Variants in CCDC59 observed in about 807,000 individuals in gnomAD.
The protein encoded by CCDC59 is coiled-coil domain containing 59, also known as thyroid transcription factor 1-associated protein 26.
A neutral mutation model predicts 30.5 loss-of-function variants in CCDC59; 27 were observed. The observed-to-expected ratio is 0.89, with a 90% CI of 0.65 to 1.22. The LOEUF (loss-of-function observed/expected upper bound fraction) is 1.22, where lower values mean the gene tolerates loss of function less well. Among genes scored for constraint, CCDC59 ranks in the 50% most tolerant of loss-of-function variants. CCDC59 has a pLI of 0.00. For synonymous variants in CCDC59, 125 were observed against 100.9 expected (o/e 1.24, Z -1.43); for missense variants, 362 against 284.4 (o/e 1.27, Z -1.96).
At position 82,354,709 on chromosome 12, in the gene CCDC59, T is replaced by C; in HGVS notation, c.465-115A>G. The C allele has an allele frequency of 3.9e-6, 3 of 776,516 alleles. No individual in the cohort carries two copies. In the East Asian group the frequency reaches 9.9e-5, roughly 26 times the overall value. 48.1% of individuals were successfully genotyped at this position (776,516 alleles called of 1,614,324 possible). ...ATTAAATAAAAGGCACAAATGGGGA[T>C]TCTTAGAGAAATATTTCAACTAGGA... On this transcript the variant is annotated intron_variant, in intron 2 of 3. Transcript: ENST00000256151.
Position 82,357,047 on chromosome 12 carries a change from TC to T in CCDC59, c.376del (p.Glu126AsnfsTer29). ...SEQVHQPLLE[E>X]QCSIDEPLFE... ...TAAAGGCTCGTCAATGCTACACTGT[TC>T]TTCAAGCAACGGCTGGTGAACTTGT... On this transcript the variant is annotated frameshift_variant, in exon 2 of 4. Coordinates refer to ENST00000256151, the MANE Select transcript of CCDC59 (RefSeq NM_014167.5). LOFTEE classifies it high-confidence loss of function. The T allele has an allele frequency of 6.2e-7, 1 of 1,614,202 alleles. No individual in the cohort carries two copies. Among genetic ancestry groups the T allele is most frequent in the Non-Finnish European group, 8.5e-7 (1 of 1,180,016 alleles).
rs559070614 is a variant in CCDC59, at chr12:82,358,350, C to G, written c.27G>C (p.Lys9Asn). The change falls in exon 1 of 4, where the codon AAG becomes AAC. Residue 9 changes from lysine to asparagine, a missense_variant. Transcript: ENST00000256151. ...GCGCCTCAATACCACCAGGCCGCCA[C>G]TTCGCGGACCGCCTCACCGGCGCCA... MAPVRRSA[K>N]WRPGGIEARG... The G allele has an allele frequency of 2.5e-6, 4 of 1,613,866 alleles. No individual in the cohort carries two copies. Among genetic ancestry groups the G allele is most frequent in the Non-Finnish European group, 3.4e-6 (4 of 1,180,024 alleles).
upstream of CCDC59, chr12:82,358,562 C>A (rs778622172): frequency 6.2e-7 from 1 of 1,609,262 alleles, no homozygotes; most frequent in South Asian, 1.1e-5. Flanking sequence ...GGAGGGTGAG[C>A]GTCATGGCGG....
Position 82,357,188 on chromosome 12 carries a change from G to A in CCDC59, c.236C>T (p.Thr79Met). 1 of 1,614,094 alleles carries A rather than the reference G, an allele frequency of 6.2e-7. No individual in the cohort carries two copies. The change falls in exon 2 of 4, where the codon ACG becomes ATG. Residue 79 changes from threonine to methionine, a missense_variant. Transcript: ENST00000256151. ...ATCTGTGAATTGAGATTCCAGTGAC[G>A]TTTGAGCCTTCTTTTCCTTCCGTAG... ...KLLRKEKKAQTSLESQFTDRY... is the reference protein window; with the variant it reads ...KLLRKEKKAQMSLESQFTDRY...
In CCDC59 at chr12:82,356,976, A is replaced by C. The variant is rs1881060373; in HGVS notation, c.448T>G (p.Cys150Gly). 3.1e-6 allele frequency: 5 copies of C among 1,611,282 alleles called. No homozygotes were observed. The highest frequency in any genetic ancestry group is 3.4e-6 in the Non-Finnish European group (4 of 1,177,702). ...AATACATACTTTACTGTTTTAATAC[A>C]TTGTTCTTCTGGCTGAGGCTGGTCA... ...SFDQPQPEEQ[C>G]IKTVNSFTIP... is the part of the protein sequence containing the mutation. Residue 150 changes from cysteine (C) to glycine (G), a missense_variant, in exon 2 of 4, where the codon TGT becomes GGT. By Grantham distance (159) the Cys-to-Gly change is radical. Transcript: ENST00000256151.
rs1880856387 is a variant in CCDC59 at position 82,352,468 on chromosome 12, G to T, written c.*683C>A. ...CAGTGGCTTATCTCAGCTCACAAGG[G>T]TACCAACAAGGGAGACAGAGATAAT... On this transcript the variant is annotated 3_prime_UTR_variant, in exon 4 of 4. Transcript: ENST00000256151. 6.6e-6 allele frequency: 1 copy of T among 152,222 alleles called. No individual in the cohort carries two copies. The allele number at this position is 152,222 out of a possible 1,614,324, so 9.4% of individuals were successfully genotyped here.
rs1156708531 is a variant in CCDC59, at chr12:82,353,033, T to C, written c.*118A>G. ...ATAATAAAAATATGTGAACATCTTATATTTAGCATAGTTTAGCAATCCAGT... is the reference window on the plus strand; with the variant it reads ...ATAATAAAAATATGTGAACATCTTACATTTAGCATAGTTTAGCAATCCAGT... On this transcript the variant is annotated 3_prime_UTR_variant, in exon 4 of 4. Transcript: ENST00000256151. 7.1e-6 allele frequency: 5 copies of C among 707,674 alleles called. No homozygotes were observed. The African/African-American group carries it at 9.0e-5, about 13-fold the overall frequency. 43.8% of individuals were successfully genotyped at this position (707,674 alleles called of 1,614,324 possible). A position where few individuals can be genotyped will look rare whatever the true frequency, so the allele number is the denominator to read the frequency against.
rs145541773 is a variant in CCDC59 at position 82,353,280 on chromosome 12, T to C, written c.597A>G (p.Glu199=). ...TCTTCTTTTTGTACTGCCTTTGGGC[T>C]TCTTCTCTCTCCTGTTTTCTCCTCT... ...EFERRKQERE[E]AQRQYKKKKM... is the part of the protein sequence containing the mutation. Residue 199 remains glutamate, a synonymous_variant, in exon 4 of 4, where the codon GAA becomes GAG. Transcript: ENST00000256151. The C allele has an allele frequency of 2.5e-5, 40 of 1,607,468 alleles. No individual in the cohort carries two copies. In the African/African-American group the frequency reaches 4.8e-4, roughly 19 times the overall value.
upstream of CCDC59, chr12:82,358,775 G>GGCCCT (rs757068977): frequency 6.2e-7 from 1 of 1,613,926 alleles, no homozygotes; most frequent in East Asian, 2.2e-5. Flanking sequence ...CGGAGACGGA[G>GGCCCT]GCCCTGCCCT....
rs1460094135 is a variant in CCDC59, at chr12:82,358,237, C to G, written c.140G>C (p.Gly47Ala). Reference sequence around the variant, plus strand: ...TTCTTACATACCCTCGCGAACGCTCCCCACGAAGGCTTGCGGGTGGTTAGG... The same window carrying G: ...TTCTTACATACCCTCGCGAACGCTCGCCACGAAGGCTTGCGGGTGGTTAGG... ...WRPNHPQAFV[G>A]SVREGQGFAF... The change falls in exon 1 of 4, where the codon GGG becomes GCG. Residue 47 changes from glycine (G) to alanine (A), a missense_variant. Gly to Ala is a moderately conservative substitution (Grantham distance 60, BLOSUM62 0). Transcript: ENST00000256151. 1 of 1,614,064 alleles carries G rather than the reference C, an allele frequency of 6.2e-7. No homozygotes were observed. Among genetic ancestry groups the G allele is most frequent in the African/African-American group, 1.3e-5 (1 of 74,920 alleles).
chr12:82,355,902 T>C (rs1880991679), intron 2 of CCDC59: 1 of 152,208 alleles, frequency 6.6e-6, no homozygotes, highest in South Asian at 2.1e-4. Context: ...TTTACCTTCC[T>C]TTCTCATGAT....
chr12:82,357,231 G>C lies in CCDC59; in HGVS notation c.193C>G (p.Gln65Glu). Reference protein sequence around the residue: ...FAFRRKLKIQQSYKKLLRKEK... With the variant: ...FAFRRKLKIQESYKKLLRKEK... ...TTCCGTAGCAATTTCTTGTAACTTT[G>C]CTGTATTTTCAGTTTTCTTCGAAAA... The change falls in exon 2 of 4, where the codon CAA (glutamine) becomes GAA (glutamate). Residue 65 changes from glutamine to glutamate, a missense_variant. Transcript: ENST00000256151. 1 of 1,613,814 alleles carries C rather than the reference G, an allele frequency of 6.2e-7. No homozygotes were observed. Among genetic ancestry groups the C allele is most frequent in the South Asian group, 1.1e-5 (1 of 91,072 alleles).
rs763210405 is a variant in CCDC59, at chr12:82,354,752, T to C, written c.465-158A>G. 512 of 558,258 alleles carry C rather than the reference T, an allele frequency of 9.2e-4. 4 individuals carry two copies. The highest frequency in any genetic ancestry group is 4.4e-4 in the Non-Finnish European group (161 of 362,610). The allele number at this position is 558,258 out of a possible 1,614,324, so 34.6% of individuals were successfully genotyped here. A position where few individuals can be genotyped will look rare whatever the true frequency, so the allele number is the denominator to read the frequency against. On this transcript the variant is annotated intron_variant, in intron 2 of 3. Transcript: ENST00000256151. ...AACTAGGAAAAAATATAGAAAGCTA[T>C]GAAAAATCCTAAAATGTTAAAAAAA...
intron 1 of CCDC59, 128 bp from the exon 2 acceptor site, chr12:82,357,397 T>C (rs1592555053): frequency 1.3e-6 from 1 of 771,826 alleles, no homozygotes; most frequent in East Asian, 2.7e-5. Context: ...ATATTTTGCT[T>C]TAAAAAATTA....
chr12:82,357,860 A>G (rs1048021147), intron 1 of CCDC59, among the ~76,000 whole-genome samples: 6 of 152,002 alleles, frequency 3.9e-5, no homozygotes, highest in Admixed American at 1.3e-4. Context: ...TATTTGTAAT[A>G]AGGAAGAATT....
intron 2 of CCDC59, among the ~76,000 whole-genome samples, chr12:82,356,366 C>T (rs1881009503): frequency 2.0e-5 from 3 of 152,196 alleles, no homozygotes; most frequent in Non-Finnish European, 4.4e-5. Context: ...GCACTAACCA[C>T]GTACCATATA....
At chr12:82,354,434 A>G in intron 3 of CCDC59, 61 bp downstream of exon 3, 1 of 1,286,706 alleles carries the variant, frequency 7.8e-7, no homozygotes, top group Non-Finnish European at 1.1e-6. Flanking sequence ...CAACAGGTAT[A>G]GTATATATAT....
At chr12:82,354,662 G>C in intron 2 of CCDC59, 68 bp from the exon 3 acceptor site, 1 of 1,431,710 alleles carries the variant, frequency 7.0e-7, no homozygotes, top group Non-Finnish European at 9.3e-7. Flanking sequence ...TAAAAACACA[G>C]TTGTAGCTTT....
At position 82,356,965 on chromosome 12, in the gene CCDC59, T is replaced by C. The variant is rs892362514; in HGVS notation, c.459A>G (p.Thr153=). ...QPQPEEQCIK[T]VNSFTIPKKN... ...CAAATGAAGAAAATACATACTTTAC[T>C]GTTTTAATACATTGTTCTTCTGGCT... Residue 153 remains threonine (T), a synonymous_variant, in exon 2 of 4, where the codon ACA becomes ACG. Coordinates refer to ENST00000256151, the MANE Select transcript of CCDC59 (RefSeq NM_014167.5). The C allele has an allele frequency of 3.1e-6, 5 of 1,597,860 alleles. No homozygotes were observed. In the African/African-American group the frequency reaches 6.7e-5, roughly 21 times the overall value.
Sources: allele counts gnomAD v4.1 joint callset (sites outside exome capture counted in the v4.1 genomes callset), GRCh38; gene constraint gnomAD v4.1.1; transcripts MANE v1.5; gene names NCBI Gene and HGNC (gene_info 2026-07-23, HGNC 2026-07-21).